PRR5: variants seen among roughly 807,000 people sequenced by gnomAD.
PRR5 encodes proline-rich protein 5.
Under a neutral mutation model 30.6 loss-of-function variants are expected in PRR5, and 25 were observed. That is an observed-to-expected ratio of 0.82 (90% confidence interval 0.60 to 1.14). The LOEUF (loss-of-function observed/expected upper bound fraction) is 1.14, where lower values mean the gene tolerates loss of function less well. Ranked by LOEUF, PRR5 falls within the 50% of genes most tolerant of loss-of-function variation. The probability of loss-of-function intolerance (pLI) is 0.00; values close to 1 mark genes in which losing one functional copy is unlikely to be tolerated. For missense variants in PRR5, 600 were observed against 547.1 expected (o/e 1.10, Z -0.96); for synonymous variants, 286 against 247.1 (o/e 1.16, Z -1.48).
chr22:44,712,559 C>G (rs775763042), intron 1 of PRR5, among the ~76,000 whole-genome samples: 2 of 152,176 alleles, frequency 1.3e-5, no homozygotes, highest in Admixed American at 1.3e-4. Context: ...AGATGCTGGC[C>G]GCTCTGTGAC....
chr22:44,699,776 T>G (rs1926088078), upstream of PRR5, among the ~76,000 whole-genome samples: 1 of 152,150 alleles, frequency 6.6e-6, no homozygotes. Flanking sequence ...CTGAAAGACG[T>G]TCTAGGGCAG....
chr22:44,689,408 A>T (rs1925044544), intron 1 of PRR5, among the ~76,000 whole-genome samples: 1 of 152,196 alleles, frequency 6.6e-6, no homozygotes. Context: ...TTCCTATGGG[A>T]TGACCCCTGG....
chr22:44,726,518 G>A, intron 3 of PRR5, 59 bp from the exon 4 acceptor site: 1 of 1,611,664 alleles, frequency 6.2e-7, no homozygotes, highest in Non-Finnish European at 8.5e-7. Flanking sequence ...GGCCCTGCTG[G>A]CCAGGACACC....
rs375381926 is a variant in PRR5, at chr22:44,726,971, G to A, written c.322+337G>A. 2.0e-5 allele frequency among the ~76,000 whole-genome samples: 3 copies of A among 152,254 alleles called. No homozygotes were observed. The East Asian group carries it at 5.8e-4, about 29-fold the overall frequency. On this transcript the variant is annotated intron_variant, in intron 4 of 7. Transcript: ENST00000336985. ...GAGAGCCCCTGTCCTGGTCTTTGGGGGTCAGAGGAGAAGTCGGTTAGGGCT... is the reference window on the plus strand; with the variant it reads ...GAGAGCCCCTGTCCTGGTCTTTGGGAGTCAGAGGAGAAGTCGGTTAGGGCT...
intron 2 of PRR5, among the ~76,000 whole-genome samples, chr22:44,721,283 TG>T (rs1404134274): frequency 4.6e-5 from 7 of 152,350 alleles, no homozygotes; most frequent in Admixed American, 2.0e-4. Flanking sequence ...CAGAATTTTC[TG>T]GGGTTGAAAT....
chr22:44,707,006 G>A (rs1338781429), intron 1 of PRR5, among the ~76,000 whole-genome samples: 1 of 152,202 alleles, frequency 6.6e-6, no homozygotes. Flanking sequence ...TGGCAGAGAT[G>A]TGTCCCCATC....
rs569884155 is a variant in PRR5, at chr22:44,729,750, C to A, written c.323-1980C>A. On this transcript the variant is annotated intron_variant, in intron 4 of 7. Transcript: ENST00000336985. ...GCCTCTCGTCACCGTGTGGCTCCAG[C>A]TGGGGCCTGGATTCTGTTTTACAAC... 1,898 of 985,498 alleles carry A rather than the reference C, an allele frequency of 1.9e-3. 1 individual carries two copies. The highest frequency in any genetic ancestry group is 2.2e-3 in the Non-Finnish European group (1,813 of 829,950). The allele number at this position is 985,498 out of a possible 1,614,324, so 61.0% of individuals were successfully genotyped here. A position where few individuals can be genotyped will look rare whatever the true frequency, so the allele number is the denominator to read the frequency against.
At chr22:44,729,926 A>T in intron 4 of PRR5, 1 of 985,372 alleles carries the variant, frequency 1.0e-6, no homozygotes, top group Non-Finnish European at 1.2e-6. Flanking sequence ...GACTGAAGGG[A>T]CTTTGTGTGT....
At chr22:44,714,821 A>T in intron 2 of PRR5, 150 bp downstream of exon 2, 2 of 1,115,432 alleles carry the variant, frequency 1.8e-6, no homozygotes. Context: ...GCGAGGCCCA[A>T]GTTAGCAGTG....
intron 2 of PRR5, among the ~76,000 whole-genome samples, chr22:44,723,136 C>A (rs1248507754): frequency 6.6e-6 from 1 of 151,988 alleles, no homozygotes. Context: ...TAGGTGCCCA[C>A]CACCACGCCC....
chr22:44,701,536 A>G (rs1926288523), upstream of PRR5, among the ~76,000 whole-genome samples: 1 of 152,248 alleles, frequency 6.6e-6, no homozygotes, highest in Admixed American at 6.5e-5. Flanking sequence ...CCCTGCCTTC[A>G]CTGGGATCAC....
chr22:44,699,124 T>G (rs1926028353), upstream of PRR5, among the ~76,000 whole-genome samples: 1 of 152,204 alleles, frequency 6.6e-6, no homozygotes, highest in Non-Finnish European at 1.5e-5. Flanking sequence ...AAAGATCTCT[T>G]TAAAATTCCT....
Position 44,735,192 on chromosome 22 carries a change from G to A in PRR5, c.691+30G>A, listed in dbSNP as rs760675882. 1.7e-5 allele frequency: 27 copies of A among 1,602,128 alleles called. 1 individual carries two copies. Among genetic ancestry groups the A allele is most frequent in the Middle Eastern group, 1.7e-4 (1 of 5,992 alleles). ...GGGTCCGCCTGGGCCTTGGGCTGGG[G>A]CAGGGGTGACCACGGGCCCCATCCA... is the stretch of plus-strand genomic sequence containing the variant. On this transcript the variant is annotated intron_variant, in intron 7 of 7. Coordinates refer to ENST00000336985, the MANE Select transcript of PRR5 (RefSeq NM_181333.4).
At chr22:44,726,486 C>A in intron 3 of PRR5, 91 bp from the exon 4 acceptor site, 1 of 1,588,274 alleles carries the variant, frequency 6.3e-7, no homozygotes, top group South Asian at 1.1e-5. Flanking sequence ...CTTGGCTGCT[C>A]ACTGGTGGAT....
upstream of PRR5, among the ~76,000 whole-genome samples, chr22:44,701,722 G>T (rs939016614): frequency 1.3e-5 from 2 of 152,258 alleles, no homozygotes; most frequent in East Asian, 1.9e-4. Context: ...AGCCCGGGTG[G>T]AGTGGGTTCT....
At chr22:44,695,639 C>T (rs1925678437) in intron 1 of PRR5, among the ~76,000 whole-genome samples, 1 of 152,148 alleles carries the variant, frequency 6.6e-6, no homozygotes, top group Non-Finnish European at 1.5e-5. Context: ...GCTCCTGCCA[C>T]CCAGGCTGGA....
At chr22:44,730,915 T>G (rs1921837936) in intron 4 of PRR5, 1 of 458,756 alleles carries the variant, frequency 2.2e-6, no homozygotes, top group African/African-American at 2.0e-5. Flanking sequence ...ATGATCCTGC[T>G]CAGTGTCCCA....
chr22:44,709,827 A>G (rs540761355), intron 1 of PRR5, among the ~76,000 whole-genome samples: 18 of 152,246 alleles, frequency 1.2e-4, no homozygotes, highest in East Asian at 3.9e-4. Context: ...ACTCCAGCCT[A>G]GGTGACAGAA....
intron 1 of PRR5, among the ~76,000 whole-genome samples, chr22:44,693,697 G>A (rs1010437242): frequency 1.4e-5 from 2 of 140,004 alleles, no homozygotes; most frequent in African/African-American, 2.6e-5. Flanking sequence ...TGGCTCACTC[G>A]GCTCAGTGCA....
Sources: allele counts gnomAD v4.1 joint callset (sites outside exome capture counted in the v4.1 genomes callset), GRCh38; gene constraint gnomAD v4.1.1; transcripts MANE v1.5; gene names NCBI Gene and HGNC (gene_info 2026-07-23, HGNC 2026-07-21).